ENTREP2: variants seen among roughly 807,000 people sequenced by gnomAD.
ENTREP2 encodes protein ENTREP2.
the ENTREP2 span, among the ~76,000 whole-genome samples, chr15:29,454,503 C>T: frequency 6.6e-6 from 1 of 152,196 alleles, no homozygotes; most frequent in African/African-American, 2.4e-5. Flanking sequence ...ACTCAGCTCC[C>T]CCACTCACTA....
the ENTREP2 span, among the ~76,000 whole-genome samples, chr15:29,565,586 G>A: frequency 2.4e-4 from 37 of 152,168 alleles, no homozygotes; most frequent in Middle Eastern, 3.2e-3. Flanking sequence ...GGGAATATTC[G>A]TTATACATTA....
chr15:29,556,775 C>T, the ENTREP2 span, among the ~76,000 whole-genome samples: 1 of 151,398 alleles, frequency 6.6e-6, no homozygotes, highest in Non-Finnish European at 1.5e-5. Context: ...CCCCCCCCGC[C>T]CCACATGTGG....
the ENTREP2 span, among the ~76,000 whole-genome samples, chr15:29,139,488 A>G: frequency 6.6e-6 from 1 of 152,238 alleles, no homozygotes; most frequent in Non-Finnish European, 1.5e-5. Flanking sequence ...ATTAGTCTCT[A>G]TCAGAAATTA....
At chr15:29,483,809 A>C in the ENTREP2 span, among the ~76,000 whole-genome samples, 1 of 152,248 alleles carries the variant, frequency 6.6e-6, no homozygotes, top group Non-Finnish European at 1.5e-5. Context: ...TCAAATCCTC[A>C]AAATCACTTG....
the ENTREP2 span, among the ~76,000 whole-genome samples, chr15:29,318,844 C>T: frequency 8.5e-4 from 129 of 152,278 alleles, no homozygotes; most frequent in Middle Eastern, 0.01. Context: ...AAAAGATGAA[C>T]CCAAACTGGC....
the ENTREP2 span, among the ~76,000 whole-genome samples, chr15:29,301,743 G>A: frequency 1.6e-4 from 24 of 152,260 alleles, no homozygotes; most frequent in African/African-American, 4.6e-4. Context: ...AAGAGGTGAG[G>A]TCTTTGGAAA....
the ENTREP2 span, among the ~76,000 whole-genome samples, chr15:29,281,409 T>C: frequency 7.9e-5 from 12 of 152,136 alleles, no homozygotes; most frequent in Admixed American, 5.2e-4. Context: ...AGGGGTATTT[T>C]TGGAGGCATC....
chr15:29,341,297 T>C, the ENTREP2 span, among the ~76,000 whole-genome samples: 1 of 152,272 alleles, frequency 6.6e-6, no homozygotes, highest in African/African-American at 2.4e-5. Context: ...CTTTGTTCAC[T>C]GCCCATTCAT....
At chr15:29,141,992 A>C in the ENTREP2 span, among the ~76,000 whole-genome samples, 1 of 152,232 alleles carries the variant, frequency 6.6e-6, no homozygotes, top group Admixed American at 6.5e-5. Flanking sequence ...AGACAGGAAG[A>C]GCTGCTCGTT....
At chr15:29,136,038 T>A in the ENTREP2 span, among the ~76,000 whole-genome samples, 1 of 152,190 alleles carries the variant, frequency 6.6e-6, no homozygotes, top group African/African-American at 2.4e-5. Flanking sequence ...CTGTGACTCG[T>A]GGCTGCAGAA....
the ENTREP2 span, among the ~76,000 whole-genome samples, chr15:29,511,536 G>A: frequency 0.069 from 10,439 of 151,000 alleles, 405 homozygotes; most frequent in Non-Finnish European, 0.073. Flanking sequence ...GAGTTGGAGA[G>A]GCTGGTCTCC....
At chr15:29,124,843 A>C in the ENTREP2 span, 1 of 1,212,276 alleles carries the variant, frequency 8.2e-7, no homozygotes, top group South Asian at 1.3e-5. Context: ...CCTGTGACTA[A>C]GACATTTTAG....
At chr15:29,636,552 A>G in the ENTREP2 span, among the ~76,000 whole-genome samples, 32,938 of 152,160 alleles carry the variant, frequency 0.22, 5,847 homozygotes, top group African/African-American at 0.49. Context: ...TGTCTGCTAC[A>G]CAGCAATATT....
At chr15:29,386,248 A>C in the ENTREP2 span, among the ~76,000 whole-genome samples, 14 of 152,196 alleles carry the variant, frequency 9.2e-5, no homozygotes, top group South Asian at 1.7e-3. Flanking sequence ...GCAGATGGCA[A>C]AACTGAAAGA....
chr15:29,123,242 A>C, the ENTREP2 span: 5 of 1,302,532 alleles, frequency 3.8e-6, no homozygotes, highest in Non-Finnish European at 5.2e-6. Flanking sequence ...TCCTCCGCCA[A>C]GCTGGGCCTG....
At chr15:29,417,205 C>T in the ENTREP2 span, among the ~76,000 whole-genome samples, 1 of 152,128 alleles carries the variant, frequency 6.6e-6, no homozygotes, top group Non-Finnish European at 1.5e-5. Flanking sequence ...CGTATGTTTA[C>T]TGCAGCACTA....
the ENTREP2 span, among the ~76,000 whole-genome samples, chr15:29,290,480 C>G: frequency 6.6e-6 from 1 of 152,200 alleles, no homozygotes; most frequent in Non-Finnish European, 1.5e-5. Context: ...CACCATAACA[C>G]TCACCTGCAT....
the ENTREP2 span, among the ~76,000 whole-genome samples, chr15:29,501,850 T>C: frequency 2.0e-5 from 3 of 151,994 alleles, no homozygotes; most frequent in Middle Eastern, 3.4e-3. Flanking sequence ...GTTCAATGTA[T>C]AAAAATCAGT....
the ENTREP2 span, among the ~76,000 whole-genome samples, chr15:29,227,678 G>A: frequency 0.025 from 3,772 of 152,268 alleles, 63 homozygotes; most frequent in Non-Finnish European, 0.034. Context: ...GAAGGAAAGA[G>A]GATAGGAGGG....
Sources: allele counts gnomAD v4.1 joint callset (sites outside exome capture counted in the v4.1 genomes callset), GRCh38; gene constraint gnomAD v4.1.1; transcripts MANE v1.5; gene names NCBI Gene and HGNC (gene_info 2026-07-23, HGNC 2026-07-21).